CADM2: variants seen among roughly 807,000 people sequenced by gnomAD.
The protein encoded by CADM2 is immunoglobulin superfamily member 4D.
Under a neutral mutation model 49.8 loss-of-function variants are expected in CADM2, and 12 were observed. The ratio of observed to expected loss-of-function variants is 0.24; its 90% CI spans 0.15 to 0.39. CADM2 has a LOEUF of 0.39. CADM2 is among the 10% of genes least tolerant of loss of function. The probability of loss-of-function intolerance (pLI) is 1.00; values close to 1 mark genes in which losing one functional copy is unlikely to be tolerated. For synonymous variants in CADM2, 214 were observed against 175.4 expected (o/e 1.22, Z -1.74); for missense variants, 378 against 492.3 (o/e 0.77, Z 2.20).
chr3:85,145,849 C>T (rs2039722440), intron 1 of CADM2, among the ~76,000 whole-genome samples: 1 of 152,094 alleles, frequency 6.6e-6, no homozygotes, highest in Non-Finnish European at 1.5e-5. Context: ...TAAGTTATTT[C>T]CCCATGATCC....
Position 85,359,655 on chromosome 3 carries a change from TATA to T in CADM2, c.62-366866_62-366864del, listed in dbSNP as rs1227287794. Among the ~76,000 whole-genome samples the T allele has an allele frequency of 3.8e-4, 7 of 18,228 alleles. 2 individuals are homozygous for T. The highest frequency in any genetic ancestry group is 8.7e-4 in the Non-Finnish European group (4 of 4,584). 12.0% of individuals were successfully genotyped at this position (18,228 alleles called of 152,430 possible). ...ATGTCAGCATATATATATATATATA[TATA>T]TATATATATTTTTTTTTTTGGTGGA... On this transcript the variant is annotated intron_variant, in intron 1 of 9. Coordinates refer to ENST00000383699, the MANE Select transcript of CADM2 (RefSeq NM_001167675.2).
intron 2 of CADM2, among the ~76,000 whole-genome samples, chr3:85,795,226 C>G (rs1380492219): frequency 6.6e-6 from 1 of 152,016 alleles, no homozygotes; most frequent in African/African-American, 2.4e-5. Context: ...TGGAAAGACT[C>G]TAAGATTGAA....
At chr3:85,330,793 CAA>C (rs71617938) in intron 1 of CADM2, among the ~76,000 whole-genome samples, 39 of 113,010 alleles carry the variant, frequency 3.5e-4, no homozygotes, top group African/African-American at 1.1e-3. Context: ...TCCATCTCTC[CAA>C]AAAAAAAAAA....
intron 1 of CADM2, among the ~76,000 whole-genome samples, chr3:85,314,179 C>T (rs552950470): frequency 4.6e-5 from 7 of 152,260 alleles, no homozygotes; most frequent in East Asian, 3.9e-4. Context: ...TGAGCCACCG[C>T]GCCCTGCCTG....
rs2067926680 is a variant in CADM2, at chr3:85,731,477, A to C, written c.88+4929A>C. On this transcript the variant is annotated intron_variant, in intron 2 of 9. Transcript: ENST00000383699. ...AGGATTGACATAGGGAATGGAACAC[A>C]GTGAGCACTTAGTAAATTGTACCTA... is the stretch of plus-strand genomic sequence containing the variant. 2.6e-5 allele frequency among the ~76,000 whole-genome samples: 4 copies of C among 152,196 alleles called. No homozygotes were observed. In the South Asian group the frequency reaches 8.3e-4, roughly 31 times the overall value.
intron 1 of CADM2, among the ~76,000 whole-genome samples, chr3:85,232,295 T>G (rs1229929267): frequency 6.6e-6 from 1 of 152,038 alleles, no homozygotes; most frequent in Non-Finnish European, 1.5e-5. Context: ...AACATGATCT[T>G]GAGCATTTCA....
chr3:85,627,604 C>T (rs1275791734), intron 1 of CADM2, among the ~76,000 whole-genome samples: 4 of 151,726 alleles, frequency 2.6e-5, no homozygotes, highest in Non-Finnish European at 5.9e-5. Flanking sequence ...ATATGAGAAC[C>T]CGGGGTGCTC....
intron 1 of CADM2, among the ~76,000 whole-genome samples, chr3:85,219,390 C>T (rs1448385195): frequency 1.3e-5 from 2 of 152,160 alleles, no homozygotes; most frequent in African/African-American, 4.8e-5. Flanking sequence ...AAAACGTTCA[C>T]TTCAAAACTG....
chr3:85,497,796 G>A (rs1576660443), intron 1 of CADM2, among the ~76,000 whole-genome samples: 1 of 152,088 alleles, frequency 6.6e-6, no homozygotes, highest in East Asian at 1.9e-4. Flanking sequence ...GCCTTCAAAT[G>A]TCATCTTTTC....
chr3:85,642,310 G>C (rs1462042576), intron 1 of CADM2, among the ~76,000 whole-genome samples: 1 of 152,042 alleles, frequency 6.6e-6, no homozygotes, highest in Admixed American at 6.5e-5. Flanking sequence ...AAACCTAAGA[G>C]ATACTGGTTT....
chr3:86,013,436 T>C lies in CADM2; in HGVS notation c.970+51789T>C. The C allele has an allele frequency of 4.4e-6, 7 of 1,574,776 alleles. No homozygotes were observed. In the South Asian group the frequency reaches 7.8e-5, roughly 18 times the overall value. ...TCCCAGAAGGTCTCTTTACCCTAGA[T>C]AACTTTCAAGCACTGCTGGAGTGCC... is the stretch of plus-strand genomic sequence containing the variant. On this transcript the variant is annotated intron_variant, in intron 8 of 9. Transcript: ENST00000383699.
intron 3 of CADM2, among the ~76,000 whole-genome samples, chr3:85,822,991 T>G (rs1489768384): frequency 1.3e-5 from 2 of 152,164 alleles, no homozygotes; most frequent in Non-Finnish European, 2.9e-5. Context: ...CATGTTGCAT[T>G]CATTCCTTGC....
intron 1 of CADM2, among the ~76,000 whole-genome samples, chr3:85,208,972 A>T (rs935739790): frequency 3.3e-5 from 5 of 152,192 alleles, no homozygotes; most frequent in African/African-American, 9.6e-5. Flanking sequence ...CATGAATTTT[A>T]AAATAATCTT....
At chr3:85,311,383 TTA>T (rs1553707372) in intron 1 of CADM2, among the ~76,000 whole-genome samples, 2 of 148,616 alleles carry the variant, frequency 1.3e-5, no homozygotes, top group African/African-American at 2.5e-5. Flanking sequence ...ATTATTATTA[TTA>T]TTTTTTTTGA....
chr3:85,193,440 G>A (rs1248203092), intron 1 of CADM2, among the ~76,000 whole-genome samples: 1 of 151,992 alleles, frequency 6.6e-6, no homozygotes, highest in African/African-American at 2.4e-5. Context: ...TCAACAATGA[G>A]TTTATAATTT....
chr3:85,224,502 C>A (rs144689052), intron 1 of CADM2, among the ~76,000 whole-genome samples: 2 of 152,080 alleles, frequency 1.3e-5, no homozygotes, highest in East Asian at 3.9e-4. Flanking sequence ...TGGATATTAG[C>A]CCTTTGTCAG....
intron 1 of CADM2, among the ~76,000 whole-genome samples, chr3:85,490,758 T>C (rs1371295993): frequency 6.6e-6 from 1 of 152,014 alleles, no homozygotes; most frequent in African/African-American, 2.4e-5. Context: ...AATAAATACC[T>C]AGCAAGGAAA....
At chr3:85,943,259 C>T (rs1362651086) in intron 7 of CADM2, among the ~76,000 whole-genome samples, 14 of 136,274 alleles carry the variant, frequency 1.0e-4, no homozygotes, top group East Asian at 4.2e-4. Context: ...GAGTAGGTTG[C>T]AAAAATTTTC....
At chr3:85,167,720 C>A (rs111716949) in intron 1 of CADM2, among the ~76,000 whole-genome samples, 1 of 152,236 alleles carries the variant, frequency 6.6e-6, no homozygotes, top group South Asian at 2.1e-4. Flanking sequence ...CAGTACTATT[C>A]AATACCTTTC....
Sources: allele counts gnomAD v4.1 joint callset (sites outside exome capture counted in the v4.1 genomes callset), GRCh38; gene constraint gnomAD v4.1.1; transcripts MANE v1.5; gene names NCBI Gene and HGNC (gene_info 2026-07-23, HGNC 2026-07-21).